The following MLIP variants were observed in gnomAD, a reference collection of about 807,000 sequenced individuals.
MLIP encodes muscular LMNA interacting protein.
MLIP carries 79 observed loss-of-function variants against 84.8 expected under a neutral mutation model. The ratio of observed to expected loss-of-function variants is 0.93; its 90% CI spans 0.78 to 1.12. The LOEUF (loss-of-function observed/expected upper bound fraction) is 1.12, where lower values mean the gene tolerates loss of function less well. Ranked by LOEUF, MLIP falls within the 50% of genes most tolerant of loss-of-function variation. The pLI, the probability that MLIP is intolerant of heterozygous loss-of-function variation, is 0.00. For synonymous variants in MLIP, 504 were observed against 463.0 expected, an observed-to-expected ratio of 1.09 and a Z score of -1.14; for missense variants, 1,257 against 1,160.6, an observed-to-expected ratio of 1.08 and a Z score of -1.21.
chr6:54,049,942 G>A (rs1765281768), intron 1 of MLIP, among the ~76,000 whole-genome samples: 1 of 152,066 alleles, frequency 6.6e-6, no homozygotes, highest in South Asian at 2.1e-4. Context: ...ACGTACTCTG[G>A]TTGAAATGTT....
At chr6:54,228,729 T>C (rs563282847) in intron 11 of MLIP, among the ~76,000 whole-genome samples, 1 of 152,322 alleles carries the variant, frequency 6.6e-6, no homozygotes, top group Admixed American at 6.5e-5. Context: ...AACCTGAGAA[T>C]TGATTTTTAC....
intron 10 of MLIP, 45 bp from the exon 11 acceptor site, chr6:54,202,053 TTTAATAG>T (rs2150714403): frequency 1.5e-6 from 2 of 1,317,748 alleles, no homozygotes; most frequent in Admixed American, 2.3e-5. Flanking sequence ...ATTTGTTCAT[TTTAATAG>T]TGTTTTTTTC....
intron 10 of MLIP, 127 bp downstream of exon 10, chr6:54,190,041 A>G: frequency 1.5e-6 from 1 of 645,570 alleles, no homozygotes; most frequent in South Asian, 2.4e-5. Flanking sequence ...GTCTAATAAC[A>G]TTTTACTGAT....
At chr6:54,165,864 G>C (rs1775123489) in intron 8 of MLIP, among the ~76,000 whole-genome samples, 1 of 151,806 alleles carries the variant, frequency 6.6e-6, no homozygotes, top group African/African-American at 2.4e-5. Context: ...TGTGAGGATG[G>C]GGACCTTATG....
At chr6:54,127,930 TAG>T (rs1771059592) in intron 3 of MLIP, among the ~76,000 whole-genome samples, 1 of 152,146 alleles carries the variant, frequency 6.6e-6, no homozygotes, top group African/African-American at 2.4e-5. Flanking sequence ...GGGGTAGTAT[TAG>T]AGTTACGGGA....
In MLIP at chr6:54,120,535, G is replaced by A. The variant is rs74296510; in HGVS notation, c.97-912G>A. Reference sequence around the variant, plus strand: ...ATTACAGGCAGGAGCCACCGCTCCCGGCTGGTTTGTGACTTTTAAAACTAG... The same window carrying A: ...ATTACAGGCAGGAGCCACCGCTCCCAGCTGGTTTGTGACTTTTAAAACTAG... On this transcript the variant is annotated intron_variant, in intron 1 of 13. Transcript: ENST00000502396. Among the ~76,000 whole-genome samples, 167 of 152,272 alleles carry A rather than the reference G, an allele frequency of 1.1e-3. 3 individuals carry two copies. The East Asian group carries it at 0.029, about 27-fold the overall frequency.
intron 11 of MLIP, among the ~76,000 whole-genome samples, chr6:54,208,518 C>A (rs1425019154): frequency 6.6e-6 from 1 of 152,116 alleles, no homozygotes; most frequent in Non-Finnish European, 1.5e-5. Flanking sequence ...CCCAAGAATT[C>A]GAGGTGGCAG....
intron 10 of MLIP, among the ~76,000 whole-genome samples, chr6:54,193,678 T>C (rs963387352): frequency 2.6e-5 from 4 of 152,048 alleles, no homozygotes; most frequent in South Asian, 2.1e-4. Flanking sequence ...GCCTGGAAAA[T>C]GTGAGTACTT....
At chr6:54,202,343 A>G in intron 11 of MLIP, 110 bp downstream of exon 11, 2 of 558,256 alleles carry the variant, frequency 3.6e-6, no homozygotes, top group Non-Finnish European at 5.0e-6. Flanking sequence ...AGATGTCTCT[A>G]TGAATATAGT....
At chr6:54,074,279 ATG>A (rs1187149745) in intron 1 of MLIP, among the ~76,000 whole-genome samples, 3 of 152,206 alleles carry the variant, frequency 2.0e-5, no homozygotes, top group African/African-American at 7.2e-5. Context: ...CACCTTGCAG[ATG>A]TGTGAATTGA....
intron 1 of MLIP, among the ~76,000 whole-genome samples, chr6:54,089,261 A>C (rs1056898293): frequency 6.6e-6 from 1 of 152,186 alleles, no homozygotes; most frequent in Non-Finnish European, 1.5e-5. Context: ...CCCCTTTACA[A>C]TAATAACATT....
At position 54,138,094 on chromosome 6, in the gene MLIP, T is replaced by A. The variant is rs1345611763; in HGVS notation, c.2025T>A (p.Ser675Arg). 6.5e-7 allele frequency: 1 copy of A among 1,535,996 alleles called. No homozygotes were observed. The highest frequency in any genetic ancestry group is 8.7e-7 in the Non-Finnish European group (1 of 1,146,890). The change falls in exon 4 of 14, where the codon AGT (serine) becomes AGA (arginine). Residue 675 changes from serine to arginine, a missense_variant. By Grantham distance (110) the Ser-to-Arg change is moderately radical. Coordinates refer to ENST00000502396, the MANE Select transcript of MLIP (RefSeq NM_001281747.2). ...ANLPTLVPQL[S>R]PSALHPHCGS... ...TGCCCACCCTGGTGCCCCAGCTCAG[T>A]CCCTCAGCTCTGCACCCACATTGCG...
At chr6:54,070,488 G>A (rs763184427) in intron 1 of MLIP, among the ~76,000 whole-genome samples, 2 of 152,104 alleles carry the variant, frequency 1.3e-5, no homozygotes, top group Non-Finnish European at 1.5e-5. Flanking sequence ...CTAGAACCAC[G>A]TCTCTGCTTT....
At chr6:54,043,949 G>T (rs531902108) in intron 1 of MLIP, among the ~76,000 whole-genome samples, 2 of 152,296 alleles carry the variant, frequency 1.3e-5, no homozygotes, top group African/African-American at 4.8e-5. Context: ...CTGGAGTGGG[G>T]TGTTGGCTGT....
intron 1 of MLIP, among the ~76,000 whole-genome samples, chr6:54,118,978 C>G (rs1049232016): frequency 2.6e-5 from 4 of 152,038 alleles, no homozygotes; most frequent in African/African-American, 9.7e-5. Flanking sequence ...CAGGAAAATG[C>G]CAATGAAAAC....
chr6:54,028,009 C>T (rs919777921), intron 1 of MLIP, among the ~76,000 whole-genome samples: 3 of 152,014 alleles, frequency 2.0e-5, no homozygotes, highest in Admixed American at 1.3e-4. Context: ...GTTGTTCTGT[C>T]TCAAGTACAG....
intron 1 of MLIP, among the ~76,000 whole-genome samples, chr6:54,033,727 C>T (rs1764270712): frequency 6.6e-6 from 1 of 152,072 alleles, no homozygotes; most frequent in African/African-American, 2.4e-5. Context: ...TGATGATTTC[C>T]TATTCTCCTC....
chr6:54,116,322 G>A (rs1769915861), intron 1 of MLIP, among the ~76,000 whole-genome samples: 1 of 152,130 alleles, frequency 6.6e-6, no homozygotes, highest in Non-Finnish European at 1.5e-5. Flanking sequence ...TATCAAGAGT[G>A]ATTGCTCAAT....
intron 1 of MLIP, among the ~76,000 whole-genome samples, chr6:54,085,813 G>A (rs76132193): frequency 0.024 from 3,693 of 152,266 alleles, 99 homozygotes; most frequent in African/African-American, 0.069. Context: ...GGTTACCAGA[G>A]TTCTAGCCTC....
Sources: gnomAD v4.1 joint callset for allele counts (sites outside exome capture counted in the v4.1 genomes callset) on GRCh38, gnomAD v4.1.1 for gene constraint, MANE v1.5 for transcripts, NCBI Gene and HGNC (gene_info 2026-07-23, HGNC 2026-07-21) for gene names.